MYOM1: variants seen among roughly 807,000 people sequenced by gnomAD.
The protein encoded by MYOM1 is myomesin-1.
A neutral mutation model predicts 205.3 loss-of-function variants in MYOM1; 164 were observed. The observed-to-expected ratio is 0.80, with a 90% CI of 0.70 to 0.91. The LOEUF (loss-of-function observed/expected upper bound fraction) is 0.91. Among genes scored for constraint, MYOM1 ranks in the 40% least tolerant of loss-of-function variants. The pLI is 0.00. For missense variants in MYOM1, 2,011 were observed against 2,127.3 expected (o/e 0.95, Z 1.08); for synonymous variants, 772 against 789.4 (o/e 0.98, Z 0.37).
At chr18:3,115,821 T>TAA (rs2079596666) in intron 21 of MYOM1, among the ~76,000 whole-genome samples, 1 of 151,578 alleles carries the variant, frequency 6.6e-6, no homozygotes, top group African/African-American at 2.4e-5. Flanking sequence ...GATAAGGGGG[T>TAA]TGAGTGAACC....
chr18:3,151,410 T>G (rs1456531114), intron 12 of MYOM1, among the ~76,000 whole-genome samples: 1 of 150,372 alleles, frequency 6.7e-6, no homozygotes, highest in African/African-American at 2.4e-5. Context: ...GGAACTCAGT[T>G]TAACAACATA....
intron 2 of MYOM1, among the ~76,000 whole-genome samples, chr18:3,199,540 G>A (rs62076895): frequency 0.076 from 11,630 of 152,244 alleles, 486 homozygotes; most frequent in African/African-American, 0.094. Flanking sequence ...CCAGATTTAC[G>A]TAAAAATTAC....
Position 3,083,793 on chromosome 18 carries a change from G to T in MYOM1, c.4480C>A (p.His1494Asn). ...AGTAAGTTCTCATTTACTTACTTGT[G>T]GGACCAGTTAACTTTCAAATCCTCC... ...YVEDLKVNWS[H>N]NGSAIRYSDR... Residue 1494 changes from histidine to asparagine, a missense_variant, in exon 33 of 38, where the codon CAC becomes AAC. His to Asn is a moderately conservative substitution (Grantham distance 68, BLOSUM62 1). Coordinates refer to ENST00000356443, the MANE Select transcript of MYOM1 (RefSeq NM_003803.4). 2 of 1,565,206 alleles carry T rather than the reference G, an allele frequency of 1.3e-6. No individual in the cohort carries two copies. The highest frequency in any genetic ancestry group is 1.7e-6 in the Non-Finnish European group (2 of 1,153,580).
chr18:3,078,550 C>T (rs757923943), intron 34 of MYOM1, among the ~76,000 whole-genome samples: 1 of 152,114 alleles, frequency 6.6e-6, no homozygotes, highest in Non-Finnish European at 1.5e-5. Flanking sequence ...CTAGCTCAGC[C>T]TCCTGAGTAG....
intron 29 of MYOM1, among the ~76,000 whole-genome samples, chr18:3,086,502 T>TGAAAA (rs1353501034): frequency 7.1e-6 from 1 of 141,206 alleles, no homozygotes; most frequent in African/African-American, 2.8e-5. Flanking sequence ...TCCCATCAGA[T>TGAAAA]TAAAATACAG....
At chr18:3,225,239 G>A in the MYOM1 span, among the ~76,000 whole-genome samples, 1 of 151,812 alleles carries the variant, frequency 6.6e-6, no homozygotes, top group South Asian at 2.1e-4. Context: ...TGCCCGCCTT[G>A]GCCTCCCAAA....
At chr18:3,245,809 C>G in the MYOM1 span, 2 of 152,224 alleles carry the variant, frequency 1.3e-5, no homozygotes, top group Non-Finnish European at 2.9e-5. Flanking sequence ...ACACCTTCCA[C>G]TAGTTCCCAG....
intron 9 of MYOM1, among the ~76,000 whole-genome samples, chr18:3,165,996 C>T (rs918281950): frequency 6.6e-6 from 1 of 152,214 alleles, no homozygotes; most frequent in Non-Finnish European, 1.5e-5. Flanking sequence ...TACCCACTGC[C>T]CACTGTGCCC....
intron 2 of MYOM1, among the ~76,000 whole-genome samples, chr18:3,211,045 A>T (rs1246125807): frequency 1.3e-5 from 2 of 152,236 alleles, no homozygotes; most frequent in Non-Finnish European, 2.9e-5. Flanking sequence ...AGGTTGAGGA[A>T]CAACTCTAAA....
intron 9 of MYOM1, among the ~76,000 whole-genome samples, chr18:3,166,263 C>CTTTTT (rs765532198): frequency 2.8e-4 from 31 of 111,654 alleles, no homozygotes; most frequent in East Asian, 5.5e-4. Context: ...TATCTCAAGT[C>CTTTTT]TTTTTTTTTT....
At chr18:3,154,616 T>TAC (rs10625884) in intron 11 of MYOM1, among the ~76,000 whole-genome samples, 15,611 of 145,768 alleles carry the variant, frequency 0.11, 870 homozygotes, top group Admixed American at 0.19. Context: ...ACCTACTCAA[T>TAC]ACACACACAC....
chr18:3,156,608 C>CT (rs879296741), intron 10 of MYOM1, among the ~76,000 whole-genome samples: 4,008 of 140,822 alleles, frequency 0.028, 117 homozygotes, highest in African/African-American at 0.08. Context: ...ACACTTCTTT[C>CT]TTTTTTTTTT....
intron 8 of MYOM1, among the ~76,000 whole-genome samples, chr18:3,169,999 A>G (rs897664815): frequency 9.9e-5 from 15 of 152,226 alleles, no homozygotes; most frequent in Non-Finnish European, 1.0e-4. Context: ...TTGCAACAAC[A>G]TAGATGGAAC....
rs200394603 is a variant in MYOM1 at position 3,160,118 on chromosome 18, T to C, written c.1501+4160A>G. On this transcript the variant is annotated intron_variant, in intron 10 of 37. Transcript: ENST00000356443. ...TCTCCTCCTCCTTCTTCTTCTTCTCTTCCTCCTCCTCCTCCTCCTTCCTTT... is the reference window on the plus strand; with the variant it reads ...TCTCCTCCTCCTTCTTCTTCTTCTCCTCCTCCTCCTCCTCCTCCTTCCTTT... 3.1e-3 allele frequency among the ~76,000 whole-genome samples: 417 copies of C among 133,094 alleles called. 4 individuals are homozygous for C. The highest frequency in any genetic ancestry group is 0.011 in the African/African-American group (367 of 34,576). The allele number at this position is 133,094 out of a possible 152,430, so 87.3% of individuals were successfully genotyped here. A position where few individuals can be genotyped will look rare whatever the true frequency, so the allele number is the denominator to read the frequency against.
intron 33 of MYOM1, among the ~76,000 whole-genome samples, chr18:3,080,717 T>C (rs1195919741): frequency 2.6e-5 from 4 of 152,094 alleles, no homozygotes; most frequent in Non-Finnish European, 4.4e-5. Flanking sequence ...AGCTTTCTAA[T>C]ATTTAGCATT....
rs961789038 is a variant in MYOM1, at chr18:3,153,033, G to T, written c.1644-1140C>A. Among the ~76,000 whole-genome samples the T allele has an allele frequency of 7.2e-5, 11 of 152,152 alleles. 1 individual carries two copies. The highest frequency in any genetic ancestry group is 2.7e-4 in the African/African-American group (11 of 41,440). On this transcript the variant is annotated intron_variant, in intron 11 of 37. Coordinates refer to ENST00000356443, the MANE Select transcript of MYOM1 (RefSeq NM_003803.4). ...GCTAGGGGTTTGGGGAGGTGGGGCTGTGGCAGAAGCTGATAGGGCCAGGAC... is the reference window on the plus strand; with the variant it reads ...GCTAGGGGTTTGGGGAGGTGGGGCTTTGGCAGAAGCTGATAGGGCCAGGAC...
chr18:3,187,676 T>C, intron 4 of MYOM1, 39 bp from the exon 5 acceptor site: 1 of 1,521,086 alleles, frequency 6.6e-7, no homozygotes, highest in Non-Finnish European at 8.9e-7. Flanking sequence ...ATTACCAAAA[T>C]ACCAATAAAT....
chr18:3,087,319 C>CTT (rs5822733), intron 29 of MYOM1, among the ~76,000 whole-genome samples: 3 of 144,126 alleles, frequency 2.1e-5, no homozygotes, highest in African/African-American at 5.1e-5. Flanking sequence ...TTTTTTTGGG[C>CTT]TTTTTTTTTT....
In MYOM1 at chr18:3,164,136, C is replaced by T. The variant is rs1045445905; in HGVS notation, c.1501+142G>A. The T allele has an allele frequency of 3.8e-5, 33 of 863,330 alleles. No individual in the cohort carries two copies. In the African/African-American group the frequency reaches 4.8e-4, roughly 13 times the overall value. 53.5% of individuals were successfully genotyped at this position (863,330 alleles called of 1,614,324 possible). On this transcript the variant is annotated intron_variant, in intron 10 of 37. Coordinates refer to ENST00000356443, the MANE Select transcript of MYOM1 (RefSeq NM_003803.4). Reference sequence around the variant, plus strand: ...CCTCCCAAAGTGCTGGGATTACAGGCGTGAGACATTGCACCCTGCCAGAAT... The same window carrying T: ...CCTCCCAAAGTGCTGGGATTACAGGTGTGAGACATTGCACCCTGCCAGAAT...
Sources: allele counts gnomAD v4.1 joint callset (sites outside exome capture counted in the v4.1 genomes callset), GRCh38; gene constraint gnomAD v4.1.1; transcripts MANE v1.5; gene names NCBI Gene and HGNC (gene_info 2026-07-23, HGNC 2026-07-21).